Variants in ELP4 observed in about 807,000 individuals in gnomAD.
ELP4 encodes the protein elongator complex protein 4.
Under a neutral mutation model 48.9 loss-of-function variants are expected in ELP4, and 51 were observed. The observed-to-expected ratio is 1.04, with a 90% CI of 0.83 to 1.32. The LOEUF (loss-of-function observed/expected upper bound fraction) is 1.32, where lower values mean the gene tolerates loss of function less well. Ranked by LOEUF, ELP4 falls within the 40% of genes most tolerant of loss-of-function variation. ELP4 has a pLI of 0.00. For synonymous variants in ELP4, 210 were observed against 189.2 expected (o/e 1.11, Z -0.90); for missense variants, 519 against 514.6 (o/e 1.01, Z -0.08).
At chr11:31,540,725 A>G (rs1379390315) in intron 3 of ELP4, among the ~76,000 whole-genome samples, 1 of 152,370 alleles carries the variant, frequency 6.6e-6, no homozygotes, top group East Asian at 1.9e-4. Flanking sequence ...CTACACAGTC[A>G]TGATAATAAG....
intron 7 of ELP4, among the ~76,000 whole-genome samples, chr11:31,638,233 A>C (rs1592180684): frequency 6.6e-6 from 1 of 151,876 alleles, no homozygotes; most frequent in African/African-American, 2.4e-5. Flanking sequence ...GGATCATAGA[A>C]TATGTCAGTA....
intron 9 of ELP4, among the ~76,000 whole-genome samples, chr11:31,746,191 C>G (rs1344616449): frequency 6.6e-6 from 1 of 152,156 alleles, no homozygotes; most frequent in East Asian, 1.9e-4. Flanking sequence ...CAATGAGATA[C>G]CATCTCACAC....
intron 9 of ELP4, among the ~76,000 whole-genome samples, chr11:31,749,005 A>G (rs1947659171): frequency 6.6e-6 from 1 of 152,192 alleles, no homozygotes; most frequent in Non-Finnish European, 1.5e-5. Flanking sequence ...CTGATAAGAA[A>G]ATCATAAGTC....
Position 31,647,855 on chromosome 11 carries a change from T to C in ELP4, c.1036+6T>C. 1 of 1,518,816 alleles carries C rather than the reference T, an allele frequency of 6.6e-7. No individual in the cohort carries two copies. Among genetic ancestry groups the C allele is most frequent in the Non-Finnish European group, 9.1e-7 (1 of 1,094,536 alleles). The allele number at this position is 1,518,816 out of a possible 1,614,324, so 94.1% of individuals were successfully genotyped here. A position where few individuals can be genotyped will look rare whatever the true frequency, so the allele number is the denominator to read the frequency against. ...ATTGTATAAGGATTATCATGGTAAG[T>C]ACAACCTTCATAATGAGAAGAGCAG... On this transcript the variant is annotated splice_donor_region_variant and intron_variant, in intron 8 of 9. Coordinates refer to ENST00000640961, the MANE Select transcript of ELP4 (RefSeq NM_019040.5).
chr11:31,551,170 A>T (rs1956843470), intron 3 of ELP4, among the ~76,000 whole-genome samples: 1 of 152,154 alleles, frequency 6.6e-6, no homozygotes, highest in African/African-American at 2.4e-5. Flanking sequence ...CAGCTGAACC[A>T]ATTGAAATGT....
In ELP4 at chr11:31,632,360, C is replaced by G. The variant is rs766302382; in HGVS notation, c.882C>G (p.Thr294=). ...ATGTTCTCCGTGGTCTTCTGAGAAC[C>G]TCTCTTTCAGCCTGCATCATCACAA... ...FLYVLRGLLR[T]SLSACIITMP... The change falls in exon 7 of 10, where the codon ACC becomes ACG. Residue 294 remains threonine, a synonymous_variant. Transcript: ENST00000640961. 6.8e-6 allele frequency: 11 copies of G among 1,612,936 alleles called. No individual in the cohort carries two copies. The highest frequency in any genetic ancestry group is 9.3e-6 in the Non-Finnish European group (11 of 1,179,514).
At chr11:31,641,904 G>C (rs1945107037) in intron 7 of ELP4, among the ~76,000 whole-genome samples, 2 of 151,900 alleles carry the variant, frequency 1.3e-5, no homozygotes, top group Admixed American at 1.3e-4. Flanking sequence ...ATTAGCAATT[G>C]TTTTTCAAGG....
chr11:31,558,696 C>T (rs1956967863), intron 3 of ELP4, among the ~76,000 whole-genome samples: 1 of 151,980 alleles, frequency 6.6e-6, no homozygotes, highest in South Asian at 2.1e-4. Flanking sequence ...TTCCGGAGTT[C>T]CAAATTAAAA....
chr11:31,754,700 A>C (rs1412320463), intron 9 of ELP4, among the ~76,000 whole-genome samples: 1 of 152,018 alleles, frequency 6.6e-6, no homozygotes, highest in African/African-American at 2.4e-5. Context: ...GTGAAACCCT[A>C]TCTCTACTAA....
At chr11:31,731,084 G>A (rs1947177056) in intron 9 of ELP4, among the ~76,000 whole-genome samples, 1 of 152,200 alleles carries the variant, frequency 6.6e-6, no homozygotes, top group African/African-American at 2.4e-5. Flanking sequence ...AGGCTGATTG[G>A]CAAAAGTCTT....
At chr11:31,511,012 G>T (rs1254575815) in intron 1 of ELP4, 1 of 151,966 alleles carries the variant, frequency 6.6e-6, no homozygotes, top group Admixed American at 6.6e-5. Flanking sequence ...CATTTCTTTC[G>T]GTTATTTTCC....
At chr11:31,780,335 G>T (rs902265594) in intron 9 of ELP4, among the ~76,000 whole-genome samples, 10 of 152,144 alleles carry the variant, frequency 6.6e-5, no homozygotes, top group Non-Finnish European at 2.9e-5. Flanking sequence ...ACATCGCACT[G>T]ACATGGCGCA....
rs1344133474 is a variant in ELP4, at chr11:31,549,154, A to C, written c.381+9371A>C. On this transcript the variant is annotated intron_variant, in intron 3 of 9. Transcript: ENST00000640961. ...GACAAATGGGATCTAATTAAACTAA[A>C]GAGCTTCTGCACAGCAAAAGAAACT... Among the ~76,000 whole-genome samples, 194 of 151,810 alleles carry C rather than the reference A, an allele frequency of 1.3e-3. 2 individuals are homozygous for C. The highest frequency in any genetic ancestry group is 2.1e-3 in the Non-Finnish European group (143 of 67,822).
intron 9 of ELP4, among the ~76,000 whole-genome samples, chr11:31,695,368 CG>C (rs563501894): frequency 7.2e-5 from 11 of 151,876 alleles, no homozygotes; most frequent in African/African-American, 2.7e-4. Context: ...TTAGCATGAA[CG>C]GCTGCTGAAT....
At chr11:31,703,329 C>T (rs1418960865) in intron 9 of ELP4, among the ~76,000 whole-genome samples, 1 of 152,138 alleles carries the variant, frequency 6.6e-6, no homozygotes, top group African/African-American at 2.4e-5. Flanking sequence ...TATTCTAAAA[C>T]AGTTATGACA....
intron 9 of ELP4, chr11:31,650,687 AG>A (rs1163147159): frequency 6.6e-6 from 1 of 152,040 alleles, no homozygotes; most frequent in East Asian, 1.9e-4. Context: ...AATTTACACT[AG>A]TGTCTTTAAG....
At chr11:31,519,058 G>T (rs900480002) in intron 1 of ELP4, among the ~76,000 whole-genome samples, 1 of 151,818 alleles carries the variant, frequency 6.6e-6, no homozygotes, top group Non-Finnish European at 1.5e-5. Context: ...CAAGTGATCC[G>T]CCCACTTCAG....
chr11:31,756,104 C>T (rs1253348563), intron 9 of ELP4, among the ~76,000 whole-genome samples: 1 of 152,186 alleles, frequency 6.6e-6, no homozygotes, highest in Admixed American at 6.5e-5. Flanking sequence ...AAGCCTCTGG[C>T]TTTGCCTGTT....
At chr11:31,630,172 T>C (rs555818238) in intron 6 of ELP4, among the ~76,000 whole-genome samples, 42 of 151,910 alleles carry the variant, frequency 2.8e-4, no homozygotes, top group African/African-American at 9.2e-4. Flanking sequence ...AGTACAATCA[T>C]GTTTTAGGTC....
Sources: allele counts gnomAD v4.1 joint callset (sites outside exome capture counted in the v4.1 genomes callset), GRCh38; gene constraint gnomAD v4.1.1; transcripts MANE v1.5; gene names NCBI Gene and HGNC (gene_info 2026-07-23, HGNC 2026-07-21).